UBE2E2: variants seen among roughly 807,000 people sequenced by gnomAD.
UBE2E2 encodes the protein ubiquitin conjugating enzyme E2 E2.
A neutral mutation model predicts 24.7 loss-of-function variants in UBE2E2; 6 were observed. The ratio of observed to expected loss-of-function variants is 0.24; its 90% CI spans 0.13 to 0.48. UBE2E2 has a LOEUF of 0.48. Ranked by LOEUF, UBE2E2 falls within the 20% of genes least tolerant of loss-of-function variation. UBE2E2 has a pLI of 0.99. For missense variants in UBE2E2, 169 were observed against 245.0 expected, an observed-to-expected ratio of 0.69 and a Z score of 2.07; for synonymous variants, 104 against 83.6, an observed-to-expected ratio of 1.24 and a Z score of -1.33.
chr3:23,433,278 TTCA>T (rs1698108470), intron 3 of UBE2E2, among the ~76,000 whole-genome samples: 1 of 151,960 alleles, frequency 6.6e-6, no homozygotes, highest in African/African-American at 2.4e-5. Flanking sequence ...TTAGAATAAC[TTCA>T]TAATAATAAA....
intron 3 of UBE2E2, among the ~76,000 whole-genome samples, chr3:23,258,664 C>A (rs891508590): frequency 6.6e-6 from 1 of 152,000 alleles, no homozygotes; most frequent in Non-Finnish European, 1.5e-5. Context: ...GAGGCCGAGG[C>A]GGGCAGATCA....
chr3:23,548,191 C>T (rs908156728), intron 5 of UBE2E2, among the ~76,000 whole-genome samples: 1 of 152,142 alleles, frequency 6.6e-6, no homozygotes, highest in Non-Finnish European at 1.5e-5. Flanking sequence ...AAATGAATCA[C>T]GTCAGAGGTT....
rs1697306423 is a variant in UBE2E2, at chr3:23,404,377, A to C, written c.228-95231A>C. Among the ~76,000 whole-genome samples, 5 of 152,350 alleles carry C rather than the reference A, an allele frequency of 3.3e-5. No individual in the cohort carries two copies. The South Asian group carries it at 1.0e-3, about 32-fold the overall frequency. ...ATTCATTCATCAAAAATAAATGTCC[A>C]AGTCAATGGAGTGTTTCTGTAACAG... On this transcript the variant is annotated intron_variant, in intron 3 of 5. Coordinates refer to ENST00000396703, the MANE Select transcript of UBE2E2 (RefSeq NM_152653.4).
At chr3:23,296,405 G>A (rs1698909754) in intron 3 of UBE2E2, among the ~76,000 whole-genome samples, 1 of 151,956 alleles carries the variant, frequency 6.6e-6, no homozygotes, top group African/African-American at 2.4e-5. Flanking sequence ...ATGCTGGTAT[G>A]CTGCACCCAT....
chr3:23,419,591 G>T (rs78511040), intron 3 of UBE2E2, among the ~76,000 whole-genome samples: 299 of 152,276 alleles, frequency 2.0e-3, no homozygotes, highest in Non-Finnish European at 3.5e-3. Flanking sequence ...CTTTTGTTAT[G>T]CAGTGTTCTT....
chr3:23,224,513 A>C (rs965849886), intron 3 of UBE2E2, among the ~76,000 whole-genome samples: 4 of 148,028 alleles, frequency 2.7e-5, no homozygotes, highest in Non-Finnish European at 5.9e-5. Flanking sequence ...TTTGCATTCT[A>C]CAACTTTGCT....
chr3:23,491,993 A>C (rs1174363198), intron 3 of UBE2E2, among the ~76,000 whole-genome samples: 1 of 152,234 alleles, frequency 6.6e-6, no homozygotes, highest in Admixed American at 6.5e-5. Flanking sequence ...ATTTATGACC[A>C]GATTAGAGAT....
intron 3 of UBE2E2, among the ~76,000 whole-genome samples, chr3:23,309,738 G>C (rs1352783505): frequency 6.6e-6 from 1 of 152,154 alleles, no homozygotes; most frequent in African/African-American, 2.4e-5. Context: ...TCATTTGAAG[G>C]CTTGACTGGG....
chr3:23,343,145 ATTT>A (rs1277036099), intron 3 of UBE2E2, among the ~76,000 whole-genome samples: 1 of 151,932 alleles, frequency 6.6e-6, no homozygotes, highest in Non-Finnish European at 1.5e-5. Context: ...ACATTTTCTT[ATTT>A]TTAAAATATC....
chr3:23,509,091 G>T (rs1430543770), intron 4 of UBE2E2, among the ~76,000 whole-genome samples: 1 of 152,150 alleles, frequency 6.6e-6, no homozygotes, highest in Non-Finnish European at 1.5e-5. Context: ...TCCACTCACT[G>T]GTCCCATAAA....
intron 5 of UBE2E2, among the ~76,000 whole-genome samples, chr3:23,576,874 C>T (rs1264637711): frequency 6.6e-6 from 1 of 151,768 alleles, no homozygotes; most frequent in Non-Finnish European, 1.5e-5. Context: ...AGTACTGGCA[C>T]ACCTCGTTTG....
intron 3 of UBE2E2, among the ~76,000 whole-genome samples, chr3:23,447,750 A>G (rs1698467659): frequency 6.6e-6 from 1 of 152,188 alleles, no homozygotes; most frequent in Non-Finnish European, 1.5e-5. Flanking sequence ...GAAGAGTAAT[A>G]TAATTTTTGT....
At chr3:23,470,351 A>G (rs1985664) in intron 3 of UBE2E2, among the ~76,000 whole-genome samples, 4,582 of 152,292 alleles carry the variant, frequency 0.03, 110 homozygotes, top group East Asian at 0.13. Context: ...AGACAGGTCT[A>G]TATGGTGTGA....
intron 3 of UBE2E2, among the ~76,000 whole-genome samples, chr3:23,229,228 C>T (rs754447461): frequency 3.3e-5 from 5 of 152,134 alleles, no homozygotes; most frequent in Non-Finnish European, 5.9e-5. Context: ...AAATGCTTTA[C>T]CAGCATTATC....
At chr3:23,244,925 T>C (rs1697354834) in intron 3 of UBE2E2, among the ~76,000 whole-genome samples, 1 of 152,190 alleles carries the variant, frequency 6.6e-6, no homozygotes, top group Admixed American at 6.5e-5. Context: ...ATTTATTTAA[T>C]TATAGAATAA....
intron 5 of UBE2E2, among the ~76,000 whole-genome samples, chr3:23,566,843 G>T (rs947697694): frequency 6.6e-6 from 1 of 152,150 alleles, no homozygotes; most frequent in Non-Finnish European, 1.5e-5. Context: ...TATCAAGAAA[G>T]TATTTGGTGG....
At chr3:23,216,873 C>T (rs1449350093) in intron 2 of UBE2E2, among the ~76,000 whole-genome samples, 1 of 152,138 alleles carries the variant, frequency 6.6e-6, no homozygotes, top group Non-Finnish European at 1.5e-5. Flanking sequence ...TTGATTCTAT[C>T]AGTCATGATG....
intron 3 of UBE2E2, among the ~76,000 whole-genome samples, chr3:23,292,539 A>C (rs1698797063): frequency 6.6e-6 from 1 of 151,964 alleles, no homozygotes; most frequent in South Asian, 2.1e-4. Context: ...TCAGAGCCCC[A>C]CTCACTTGTC....
chr3:23,289,296 G>A lies in UBE2E2; in HGVS notation c.227+71984G>A, dbSNP rs61220073. On this transcript the variant is annotated intron_variant, in intron 3 of 5. Coordinates refer to ENST00000396703, the MANE Select transcript of UBE2E2 (RefSeq NM_152653.4). ...GAAGCTGAATGAGGGATTTATAAAG[G>A]TCTGTTATGCTTTTCTTTCTAAGAG... 5.7e-4 allele frequency among the ~76,000 whole-genome samples: 87 copies of A among 152,298 alleles called. 3 individuals are homozygous for A. In the East Asian group the frequency reaches 0.015, roughly 27 times the overall value.
Sources: gnomAD v4.1 joint callset for allele counts (sites outside exome capture counted in the v4.1 genomes callset) on GRCh38, gnomAD v4.1.1 for gene constraint, MANE v1.5 for transcripts, NCBI Gene and HGNC (gene_info 2026-07-23, HGNC 2026-07-21) for gene names.